The following FAM185A variants were observed in gnomAD, a reference collection of about 807,000 sequenced individuals.
The protein encoded by FAM185A is protein FAM185A.
A neutral mutation model predicts 45.7 loss-of-function variants in FAM185A; 21 were observed. That is an observed-to-expected ratio of 0.46 (90% CI 0.33 to 0.66). FAM185A has a LOEUF of 0.66. Among genes scored for constraint, FAM185A ranks in the 30% least tolerant of loss-of-function variants. The pLI, the probability that FAM185A is intolerant of heterozygous loss-of-function variation, is 0.03. For missense variants in FAM185A, 305 were observed against 485.4 expected (o/e 0.63, Z 3.49); for synonymous variants, 117 against 194.0 (o/e 0.60, Z 3.30).
At chr7:102,835,064 C>T in the FAM185A span, among the ~76,000 whole-genome samples, 2 of 152,194 alleles carry the variant, frequency 1.3e-5, no homozygotes, top group East Asian at 3.8e-4. Flanking sequence ...ATGTATTGTA[C>T]TTTGAGAAAA....
At chr7:102,776,501 A>AG (rs1166820763) in intron 5 of FAM185A, among the ~76,000 whole-genome samples, 1 of 152,100 alleles carries the variant, frequency 6.6e-6, no homozygotes, top group Non-Finnish European at 1.5e-5. Flanking sequence ...TCCTCACTTA[A>AG]AGATACCTGT....
chr7:102,803,149 G>A (rs962628426), intron 7 of FAM185A, among the ~76,000 whole-genome samples: 1 of 152,140 alleles, frequency 6.6e-6, no homozygotes, highest in Non-Finnish European at 1.5e-5. Context: ...CCGCAAGACA[G>A]AGAAAGAAGG....
In FAM185A at chr7:102,749,052, C is replaced by A. The variant is rs961544234; in HGVS notation, c.-156C>A. The stretch of plus-strand genomic sequence containing the variant: ...GGGATTGCGCGGCTGATGTTTAGAA[C>A]GCCTAGTCAAGCCAACCGGCTCGCT... On this transcript the variant is annotated 5_prime_UTR_variant, in exon 1 of 8. Transcript: ENST00000413034. 5.1e-6 allele frequency: 6 copies of A among 1,168,692 alleles called. No individual in the cohort carries two copies. In the South Asian group the frequency reaches 5.3e-5, roughly 10 times the overall value. 72.4% of individuals were successfully genotyped at this position (1,168,692 alleles called of 1,614,324 possible). A position where few individuals can be genotyped will look rare whatever the true frequency, so the allele number is the denominator to read the frequency against.
intron 7 of FAM185A, among the ~76,000 whole-genome samples, chr7:102,791,357 G>A (rs1796130209): frequency 6.6e-6 from 1 of 152,190 alleles, no homozygotes; most frequent in Non-Finnish European, 1.5e-5. Flanking sequence ...ACAGGGGCCT[G>A]GACTCCATAG....
chr7:102,769,388 A>C (rs1794608189), intron 4 of FAM185A, among the ~76,000 whole-genome samples: 1 of 151,920 alleles, frequency 6.6e-6, no homozygotes, highest in Non-Finnish European at 1.5e-5. Flanking sequence ...CCTCACTTTC[A>C]TGACAAGCAC....
intron 2 of FAM185A, chr7:102,755,151 G>A (rs1793631337): frequency 1.6e-5 from 6 of 371,916 alleles, no homozygotes; most frequent in East Asian, 4.5e-5. Flanking sequence ...CCAAGATGCC[G>A]AAAGGAAAGG....
At chr7:102,761,774 C>G (rs1794120530) in intron 4 of FAM185A, among the ~76,000 whole-genome samples, 1 of 151,978 alleles carries the variant, frequency 6.6e-6, no homozygotes, top group African/African-American at 2.4e-5. Flanking sequence ...GGTGATTCTC[C>G]CACCCCAACC....
chr7:102,808,339 C>T lies in FAM185A; in HGVS notation c.1116C>T (p.Ala372=). 1 of 1,551,710 alleles carries T rather than the reference C, an allele frequency of 6.4e-7. No individual in the cohort carries two copies. The highest frequency in any genetic ancestry group is 8.7e-7 in the Non-Finnish European group (1 of 1,146,990). Residue 372 remains alanine, a synonymous_variant, in exon 8 of 8, where the codon GCC becomes GCT. Transcript: ENST00000413034. ...SKREKWIKAD[A]PKGTVSFRRQ... is the part of the protein sequence containing the mutation. ...GTGAAAAATGGATTAAGGCTGATGC[C>T]CCAAAAGGCACTGTAAGTTTTAGAA... is the stretch of plus-strand genomic sequence containing the variant.
At chr7:102,833,405 T>C in the FAM185A span, among the ~76,000 whole-genome samples, 2 of 151,776 alleles carry the variant, frequency 1.3e-5, no homozygotes, top group Non-Finnish European at 2.9e-5. Flanking sequence ...TCTTAAATCT[T>C]AGCAAGTTAC....
rs1793160664 is a variant in FAM185A, at chr7:102,749,031, T to G, written c.-177T>G. Reference sequence around the variant, plus strand: ...TCAAATCCCAACTTGCCCCTGGGGATTGCGCGGCTGATGTTTAGAACGCCT... The same window carrying G: ...TCAAATCCCAACTTGCCCCTGGGGAGTGCGCGGCTGATGTTTAGAACGCCT... On this transcript the variant is annotated 5_prime_UTR_variant, in exon 1 of 8. Transcript: ENST00000413034. The G allele has an allele frequency of 3.1e-6, 3 of 982,928 alleles. No individual in the cohort carries two copies. Among genetic ancestry groups the G allele is most frequent in the Middle Eastern group, 2.0e-4 (1 of 4,940 alleles). 60.9% of individuals were successfully genotyped at this position (982,928 alleles called of 1,614,324 possible). A position where few individuals can be genotyped will look rare whatever the true frequency, so the allele number is the denominator to read the frequency against.
At chr7:102,754,685 T>C (rs1427661444) in intron 2 of FAM185A, among the ~76,000 whole-genome samples, 1 of 152,204 alleles carries the variant, frequency 6.6e-6, no homozygotes, top group Admixed American at 6.5e-5. Context: ...ACCTTGGGTC[T>C]TTCTGATTTC....
the FAM185A span, among the ~76,000 whole-genome samples, chr7:102,823,206 T>C: frequency 6.6e-6 from 1 of 152,330 alleles, no homozygotes; most frequent in African/African-American, 2.4e-5. Flanking sequence ...TGAAATGCTA[T>C]AGAGATGGGA....
At chr7:102,776,550 C>T (rs1795069445) in intron 5 of FAM185A, among the ~76,000 whole-genome samples, 1 of 151,864 alleles carries the variant, frequency 6.6e-6, no homozygotes, top group Admixed American at 6.6e-5. Flanking sequence ...TAGATATAAA[C>T]AAGCTATTCT....
chr7:102,832,855 A>C, the FAM185A span: 1 of 1,614,204 alleles, frequency 6.2e-7, no homozygotes, highest in East Asian at 2.2e-5. Context: ...GACAGCCAGC[A>C]ATGCTGAGAG....
In FAM185A at chr7:102,809,031, A is replaced by T. The variant is rs1407371591; in HGVS notation, c.*629A>T. 1.3e-5 allele frequency: 2 copies of T among 152,406 alleles called. No individual in the cohort carries two copies. The highest frequency in any genetic ancestry group is 1.3e-4 in the Admixed American group (2 of 15,302). 9.4% of individuals were successfully genotyped at this position (152,406 alleles called of 1,614,324 possible). A position where few individuals can be genotyped will look rare whatever the true frequency, so the allele number is the denominator to read the frequency against. On this transcript the variant is annotated 3_prime_UTR_variant, in exon 8 of 8. Coordinates refer to ENST00000413034, the MANE Select transcript of FAM185A (RefSeq NM_001145268.2). ...TTTTGCCATATAATGTAACATTCATAGGAGTGATGGCCCATCACATTCAGT... is the reference window on the plus strand; with the variant it reads ...TTTTGCCATATAATGTAACATTCATTGGAGTGATGGCCCATCACATTCAGT...
the FAM185A span, chr7:102,822,378 G>T: frequency 1.4e-6 from 1 of 718,260 alleles, no homozygotes; most frequent in Non-Finnish European, 2.5e-6. Flanking sequence ...TAAAGATAGA[G>T]GTACCTGCAA....
intron 7 of FAM185A, among the ~76,000 whole-genome samples, chr7:102,794,153 T>G (rs1796311245): frequency 6.6e-6 from 1 of 151,554 alleles, no homozygotes; most frequent in East Asian, 1.9e-4. Flanking sequence ...TAGACTAGAG[T>G]TCAAAGAGCA....
rs200430332 is a variant in FAM185A, at chr7:102,801,921, C to CAA, written c.1067-6355_1067-6354dup. Among the ~76,000 whole-genome samples the CAA allele has an allele frequency of 7.0e-3, 881 of 125,216 alleles. 7 individuals are homozygous for CAA. Among genetic ancestry groups the CAA allele is most frequent in the African/African-American group, 0.023 (829 of 36,180 alleles). 82.1% of individuals were successfully genotyped at this position (125,216 alleles called of 152,430 possible). A position where few individuals can be genotyped will look rare whatever the true frequency, so the allele number is the denominator to read the frequency against. On this transcript the variant is annotated intron_variant, in intron 7 of 7. Transcript: ENST00000413034. ...TGGGCCACAGAGGGAGACTACGTCT[C>CAA]AAAAAAAAAAAAAAATACAAAGAAG...
At chr7:102,826,741 A>G in the FAM185A span, among the ~76,000 whole-genome samples, 41 of 64,030 alleles carry the variant, frequency 6.4e-4, no homozygotes, top group South Asian at 3.7e-3. Context: ...ATATATATAT[A>G]TATATATATA....
Sources: allele counts gnomAD v4.1 joint callset (sites outside exome capture counted in the v4.1 genomes callset), GRCh38; gene constraint gnomAD v4.1.1; transcripts MANE v1.5; gene names NCBI Gene and HGNC (gene_info 2026-07-23, HGNC 2026-07-21).